Variants in MBD3 observed in about 807,000 individuals in gnomAD.
MBD3 encodes the protein methyl-CpG binding domain protein 3, also known as methyl-CpG-binding domain protein 3.
Under a neutral mutation model 31.2 loss-of-function variants are expected in MBD3, and 13 were observed. That is an observed-to-expected ratio of 0.42 (90% CI 0.27 to 0.66). MBD3 has a LOEUF of 0.66. Ranked by LOEUF, MBD3 falls within the 30% of genes least tolerant of loss-of-function variation. The pLI is 0.26. For missense variants in MBD3, 440 were observed against 426.5 expected (o/e 1.03, Z -0.28); for synonymous variants, 223 against 187.4 (o/e 1.19, Z -1.55).
intron 1 of MBD3, among the ~76,000 whole-genome samples, chr19:1,589,245 T>C (rs960211623): frequency 1.3e-5 from 2 of 148,742 alleles, no homozygotes; most frequent in Non-Finnish European, 3.0e-5. Context: ...GCAGGAGAAT[T>C]GCTTGAACTC....
Position 1,578,249 on chromosome 19 carries a change from C to T in MBD3, c.*5+86G>A. The T allele has an allele frequency of 6.3e-7, 1 of 1,575,544 alleles. No homozygotes were observed. Among genetic ancestry groups the T allele is most frequent in the South Asian group, 1.1e-5 (1 of 89,878 alleles). On this transcript the variant is annotated intron_variant, in intron 6 of 6. Coordinates refer to ENST00000434436, the MANE Select transcript of MBD3 (RefSeq NM_001281453.2). The surrounding 1 kb of genome is among the most constrained non-coding windows in gnomAD (Gnocchi z 6.1). ...GGAGATGGGAAGCTCTTGGGAGGCA[C>T]CCGTCATCCCAAGCACATCTGTGTT...
At chr19:1,581,420 G>A (rs988141265) in intron 4 of MBD3, 151 bp from the exon 5 acceptor site, 95 of 805,382 alleles carry the variant, frequency 1.2e-4, no homozygotes, top group Admixed American at 4.4e-4. Flanking sequence ...TCCCTCTCCC[G>A]CTTGTGTTAC....
chr19:1,574,848 CGAGT>C lies in MBD3; in HGVS notation c.*3312_*3315del. ...GCATCCCCGGGGATCTTTGCGGTGG[CGAGT>C]GTGTGCGGTGGTCAGAAGGGCTGTC... is the stretch of plus-strand genomic sequence containing the variant. On this transcript the variant is annotated 3_prime_UTR_variant, in exon 7 of 7. Transcript: ENST00000434436. The C allele has an allele frequency of 5.0e-6, 1 of 198,666 alleles. No homozygotes were observed. Among genetic ancestry groups the C allele is most frequent in the Non-Finnish European group, 1.1e-5 (1 of 92,764 alleles). The allele number at this position is 198,666 out of a possible 1,614,324, so 12.3% of individuals were successfully genotyped here. A position where few individuals can be genotyped will look rare whatever the true frequency, so the allele number is the denominator to read the frequency against.
chr19:1,581,546 C>T (rs1008816291), intron 4 of MBD3: 4 of 521,468 alleles, frequency 7.7e-6, no homozygotes, highest in Admixed American at 3.2e-5. Context: ...AGTTTGAGAC[C>T]AGCCTGGACA....
In MBD3 at chr19:1,577,092, G is replaced by A. The variant is rs1917214676; in HGVS notation, c.*1072C>T. 1 of 152,602 alleles carries A rather than the reference G, an allele frequency of 6.6e-6. No individual in the cohort carries two copies. Among genetic ancestry groups the A allele is most frequent in the Admixed American group, 6.5e-5 (1 of 15,314 alleles). The allele number at this position is 152,602 out of a possible 1,614,324, so 9.5% of individuals were successfully genotyped here. A position where few individuals can be genotyped will look rare whatever the true frequency, so the allele number is the denominator to read the frequency against. On this transcript the variant is annotated 3_prime_UTR_variant, in exon 7 of 7. Coordinates refer to ENST00000434436, the MANE Select transcript of MBD3 (RefSeq NM_001281453.2). Reference sequence around the variant, plus strand: ...GCACCGGGACAGGCCCTCTCTATGGGCCTAAGGTCAATGCAGGTGGGGGCT... The same window carrying A: ...GCACCGGGACAGGCCCTCTCTATGGACCTAAGGTCAATGCAGGTGGGGGCT...
Position 1,585,374 on chromosome 19 carries a change from C to T in MBD3, c.111-160G>A. On this transcript the variant is annotated intron_variant, in intron 1 of 6. Transcript: ENST00000434436. The surrounding 1 kb of genome is among the most constrained non-coding windows in gnomAD (Gnocchi z 4.1). ...ACCCCAAACCCAGGCAGGCCCTGGC[C>T]CCAGCCCCAGACCCCAACCCTGGCG... 1.3e-6 allele frequency: 1 copy of T among 742,082 alleles called. No homozygotes were observed. The highest frequency in any genetic ancestry group is 2.2e-6 in the Non-Finnish European group (1 of 461,066). 46.0% of individuals were successfully genotyped at this position (742,082 alleles called of 1,614,324 possible).
intron 5 of MBD3, among the ~76,000 whole-genome samples, chr19:1,580,857 A>G (rs2145595312): frequency 6.6e-6 from 1 of 152,324 alleles, no homozygotes; most frequent in East Asian, 1.9e-4. Flanking sequence ...TCAAAGGACC[A>G]CACTCTTTTC....
rs377760505 is a variant in MBD3, at chr19:1,586,584, C to T, written c.111-1370G>A. Among the ~76,000 whole-genome samples the T allele has an allele frequency of 3.3e-5, 5 of 152,038 alleles. No individual in the cohort carries two copies. In the East Asian group the frequency reaches 9.6e-4, roughly 29 times the overall value. Reference sequence around the variant, plus strand: ...AATGCAATGGCTCAATCACAGCTCACTGCAACCTTGAACTCCTGGGCTAGG... The same window carrying T: ...AATGCAATGGCTCAATCACAGCTCATTGCAACCTTGAACTCCTGGGCTAGG... On this transcript the variant is annotated intron_variant, in intron 1 of 6. Coordinates refer to ENST00000434436, the MANE Select transcript of MBD3 (RefSeq NM_001281453.2).
At position 1,578,248 on chromosome 19, in the gene MBD3, A is replaced by C. The variant is rs1917257509; in HGVS notation, c.*5+87T>G. On this transcript the variant is annotated intron_variant, in intron 6 of 6. Transcript: ENST00000434436. This position sits in a 1 kb window ranked among gnomAD's most constrained non-coding sequence, Gnocchi z 6.1. ...GGGAGATGGGAAGCTCTTGGGAGGC[A>C]CCCGTCATCCCAAGCACATCTGTGT... The C allele has an allele frequency of 4.4e-6, 7 of 1,573,128 alleles. No individual in the cohort carries two copies. Among genetic ancestry groups the C allele is most frequent in the Non-Finnish European group, 6.0e-6 (7 of 1,160,030 alleles).
At chr19:1,582,755 T>A (rs760314544) in intron 3 of MBD3, 43 bp from the exon 4 acceptor site, 1 of 1,561,348 alleles carries the variant, frequency 6.4e-7, no homozygotes, top group African/African-American at 1.4e-5. Context: ...GGCCCTGCCC[T>A]CTCCCCACTC....
Position 1,578,763 on chromosome 19 carries a change from CT to C in MBD3, c.678-226del, listed in dbSNP as rs1917277909. Among the ~76,000 whole-genome samples, 1 of 152,296 alleles carries C rather than the reference CT, an allele frequency of 6.6e-6. No homozygotes were observed. The highest frequency in any genetic ancestry group is 2.4e-5 in the African/African-American group (1 of 41,570). On this transcript the variant is annotated intron_variant, in intron 5 of 6. Coordinates refer to ENST00000434436, the MANE Select transcript of MBD3 (RefSeq NM_001281453.2). This position sits in a 1 kb window ranked among gnomAD's most constrained non-coding sequence, Gnocchi z 6.1. The stretch of plus-strand genomic sequence containing the variant: ...TCCGCCACCCTCCCAGATGGCCCCC[CT>C]GCCACCTCTACTGGGACCAAGGGAG...
chr19:1,584,721 C>CGGCGCGGAGCCTCAGGGGGTGCGG, intron 2 of MBD3, 44 bp from the exon 3 acceptor site: 1 of 1,589,048 alleles, frequency 6.3e-7, no homozygotes, highest in Non-Finnish European at 8.5e-7. Context: ...GGCGCCCCGG[C>CGGCGCGGAGCCTCAGGGGGTGCGG]GGCGCGGAGC....
At chr19:1,584,858 G>A (rs1460073000) in intron 2 of MBD3, 181 bp from the exon 3 acceptor site, 3 of 984,628 alleles carry the variant, frequency 3.0e-6, no homozygotes, top group East Asian at 3.4e-5. Flanking sequence ...GCTCTGGAAC[G>A]CCCGCCGCGG....
intron 1 of MBD3, chr19:1,586,436 G>A (rs1412924130): frequency 6.6e-6 from 1 of 152,366 alleles, no homozygotes; most frequent in African/African-American, 2.4e-5. Context: ...ATAATTCAGA[G>A]ACAGGAAGGG....
rs4030111 is a variant in MBD3 at position 1,586,671 on chromosome 19, A to ATTT, written c.111-1460_111-1458dup. On this transcript the variant is annotated intron_variant, in intron 1 of 6. Transcript: ENST00000434436. ...CGACAGGCACAAGCCACCACGCCTA[A>ATTT]TTTTTTTTTTTTTGAGATGGAGTCT... is the stretch of plus-strand genomic sequence containing the variant. Among the ~76,000 whole-genome samples the ATTT allele has an allele frequency of 3.2e-3, 454 of 143,638 alleles. 31 individuals carry two copies. Among genetic ancestry groups the ATTT allele is most frequent in the Non-Finnish European group, 2.7e-3 (183 of 66,610 alleles). 94.2% of individuals were successfully genotyped at this position (143,638 alleles called of 152,430 possible). A position where few individuals can be genotyped will look rare whatever the true frequency, so the allele number is the denominator to read the frequency against.
chr19:1,584,021 C>T lies in MBD3; in HGVS notation c.408+519G>A, dbSNP rs542484382. 2.0e-5 allele frequency among the ~76,000 whole-genome samples: 3 copies of T among 151,854 alleles called. No homozygotes were observed. The South Asian group carries it at 6.2e-4, about 32-fold the overall frequency. ...ATTTTTAGTAGAGACGGGGTTTCAC[C>T]ATGTTGGGTCAGCCTGGTCTCAAAC... On this transcript the variant is annotated intron_variant, in intron 3 of 6. Transcript: ENST00000434436.
chr19:1,582,916 TA>T (rs1220372539), intron 3 of MBD3, among the ~76,000 whole-genome samples: 2 of 151,952 alleles, frequency 1.3e-5, no homozygotes, highest in East Asian at 3.9e-4. Context: ...TAAATAAGAA[TA>T]AAAAATACAC....
At position 1,574,824 on chromosome 19, in the gene MBD3, C is replaced by A. The variant is rs1467959413; in HGVS notation, c.*3340G>T. 5.4e-6 allele frequency: 1 copy of A among 185,656 alleles called. No homozygotes were observed. Among genetic ancestry groups the A allele is most frequent in the Non-Finnish European group, 1.2e-5 (1 of 86,024 alleles). The allele number at this position is 185,656 out of a possible 1,614,324, so 11.5% of individuals were successfully genotyped here. On this transcript the variant is annotated 3_prime_UTR_variant, in exon 7 of 7. Coordinates refer to ENST00000434436, the MANE Select transcript of MBD3 (RefSeq NM_001281453.2). ...ATGAGGGACACACACAGGCGAGGGG[C>A]ATCCCCGGGGATCTTTGCGGTGGCG...
At position 1,592,520 on chromosome 19, in the gene MBD3, A is replaced by C; in HGVS notation, c.110+2T>G. ...CCCTGCGCGGCCGGCGCGCTCATTCACCTATAGTAAAAGACATCCCTGTGG... is the reference window on the plus strand; with the variant it reads ...CCCTGCGCGGCCGGCGCGCTCATTCCCCTATAGTAAAAGACATCCCTGTGG... On this transcript the variant is annotated splice_donor_variant, in intron 1 of 6. Coordinates refer to ENST00000434436, the MANE Select transcript of MBD3 (RefSeq NM_001281453.2). LOFTEE classifies it high-confidence loss of function. The C allele has an allele frequency of 7.1e-7, 1 of 1,403,308 alleles. No homozygotes were observed. Among genetic ancestry groups the C allele is most frequent in the Non-Finnish European group, 9.5e-7 (1 of 1,051,112 alleles). The allele number at this position is 1,403,308 out of a possible 1,614,324, so 86.9% of individuals were successfully genotyped here.
Sources: allele counts gnomAD v4.1 joint callset (sites outside exome capture counted in the v4.1 genomes callset), GRCh38; gene constraint gnomAD v4.1.1; non-coding constraint Gnocchi (gnomAD v3.1); transcripts MANE v1.5; gene names NCBI Gene and HGNC (gene_info 2026-07-23, HGNC 2026-07-21).